The following BNC2 variants were observed in gnomAD, a reference collection of about 807,000 sequenced individuals.
The protein encoded by BNC2 is basonuclin zinc finger protein 2, also known as zinc finger protein basonuclin-2.
A neutral mutation model predicts 76.3 loss-of-function variants in BNC2; 20 were observed. The ratio of observed to expected loss-of-function variants is 0.26; its 90% CI spans 0.18 to 0.38. The LOEUF is 0.38. Ranked by LOEUF, BNC2 falls within the 10% of genes least tolerant of loss-of-function variation. The pLI, the probability that BNC2 is intolerant of heterozygous loss-of-function variation, is 1.00. For missense variants in BNC2, 1,382 were observed against 1,399.8 expected (o/e 0.99, Z 0.20); for synonymous variants, 582 against 514.8 (o/e 1.13, Z -1.77).
intron 2 of BNC2, among the ~76,000 whole-genome samples, chr9:16,737,785 G>T (rs1334085479): frequency 6.6e-6 from 1 of 152,102 alleles, no homozygotes; most frequent in Non-Finnish European, 1.5e-5. Flanking sequence ...GACTTAACAG[G>T]TCCCTTAGAA....
At chr9:16,570,144 A>G (rs10962491) in intron 4 of BNC2, among the ~76,000 whole-genome samples, 20,042 of 152,220 alleles carry the variant, frequency 0.13, 2,254 homozygotes, top group East Asian at 0.31. Context: ...TCATTAAGCA[A>G]AAAGTGCAAA....
chr9:16,652,556 A>G (rs1167367987), intron 3 of BNC2, among the ~76,000 whole-genome samples: 1 of 152,234 alleles, frequency 6.6e-6, no homozygotes, highest in Non-Finnish European at 1.5e-5. Flanking sequence ...GTAATATAGT[A>G]TTACACACAT....
intron 1 of BNC2, among the ~76,000 whole-genome samples, chr9:16,791,088 GTC>G (rs1285847677): frequency 6.6e-6 from 1 of 151,760 alleles, no homozygotes; most frequent in South Asian, 2.1e-4. Flanking sequence ...TTGAGATGGA[GTC>G]TCACACTGTC....
chr9:16,799,340 A>C (rs866119692), intron 1 of BNC2, among the ~76,000 whole-genome samples: 2 of 151,842 alleles, frequency 1.3e-5, no homozygotes, highest in Middle Eastern at 6.8e-3. Context: ...TTTGATATGG[A>C]GTCTCACTCT....
intron 1 of BNC2, among the ~76,000 whole-genome samples, chr9:16,781,710 A>G (rs1241168854): frequency 2.0e-5 from 3 of 152,230 alleles, no homozygotes; most frequent in African/African-American, 4.8e-5. Flanking sequence ...TACTTTTCCA[A>G]TACAAGTATA....
At chr9:16,663,110 G>A (rs1312401276) in intron 3 of BNC2, among the ~76,000 whole-genome samples, 1 of 121,932 alleles carries the variant, frequency 8.2e-6, no homozygotes, top group East Asian at 2.0e-4. Flanking sequence ...GTGATCCATA[G>A]GCACTCCACT....
chr9:16,550,549 C>T (rs1818626938), intron 5 of BNC2, among the ~76,000 whole-genome samples: 1 of 152,190 alleles, frequency 6.6e-6, no homozygotes, highest in Admixed American at 6.6e-5. Flanking sequence ...CATTATCAGG[C>T]TTTATGTTTA....
At chr9:16,682,017 T>A (rs1380701631) in intron 3 of BNC2, among the ~76,000 whole-genome samples, 1 of 151,896 alleles carries the variant, frequency 6.6e-6, no homozygotes, top group African/African-American at 2.4e-5. Flanking sequence ...CACAAGGTCA[T>A]CTATTTGGAA....
chr9:16,479,384 G>A (rs759276700), intron 5 of BNC2, among the ~76,000 whole-genome samples: 2 of 152,280 alleles, frequency 1.3e-5, no homozygotes, highest in Non-Finnish European at 2.9e-5. Flanking sequence ...CACTTCAACT[G>A]CTATCTCTCA....
chr9:16,784,094 G>C (rs1826219268), intron 1 of BNC2, among the ~76,000 whole-genome samples: 1 of 152,172 alleles, frequency 6.6e-6, no homozygotes, highest in African/African-American at 2.4e-5. Context: ...ATGGAGGAAA[G>C]CATCACATGA....
chr9:16,597,670 T>C (rs1490786031), intron 3 of BNC2, among the ~76,000 whole-genome samples: 1 of 152,122 alleles, frequency 6.6e-6, no homozygotes, highest in Non-Finnish European at 1.5e-5. Flanking sequence ...CAAATAGACA[T>C]ATATTTAGAT....
chr9:16,605,687 C>A (rs748691528), intron 3 of BNC2, among the ~76,000 whole-genome samples: 2 of 150,216 alleles, frequency 1.3e-5, no homozygotes, highest in East Asian at 1.9e-4. Flanking sequence ...TATTACAGCA[C>A]AACAGAGACC....
chr9:16,756,641 C>CT (rs1825390783), intron 1 of BNC2, among the ~76,000 whole-genome samples: 1 of 152,264 alleles, frequency 6.6e-6, no homozygotes, highest in Admixed American at 6.5e-5. Flanking sequence ...TGCTTTAAAG[C>CT]TTTTTTCTTT....
At chr9:16,778,792 C>T (rs1311644699) in intron 1 of BNC2, among the ~76,000 whole-genome samples, 1 of 152,082 alleles carries the variant, frequency 6.6e-6, no homozygotes, top group Non-Finnish European at 1.5e-5. Context: ...GAAAGGACTC[C>T]ATTATCCTCT....
At chr9:16,604,173 A>G (rs1054539180) in intron 3 of BNC2, among the ~76,000 whole-genome samples, 2 of 152,194 alleles carry the variant, frequency 1.3e-5, no homozygotes, top group African/African-American at 4.8e-5. Flanking sequence ...CAGAAGTACA[A>G]TACAAACCAA....
At chr9:16,847,875 G>A (rs1003013239) in intron 1 of BNC2, among the ~76,000 whole-genome samples, 2 of 152,220 alleles carry the variant, frequency 1.3e-5, no homozygotes, top group Admixed American at 1.3e-4. Context: ...AAGCTCATAT[G>A]AAGCATGAAT....
rs183062931 is a variant in BNC2, at chr9:16,577,444, G to C, written c.433+5539C>G. ...GTACATTAAACCATAAAGCTGGTTG[G>C]TATATGATACTAAATTAACTTTATA... On this transcript the variant is annotated intron_variant, in intron 4 of 6. Coordinates refer to ENST00000380672, the MANE Select transcript of BNC2 (RefSeq NM_017637.6). Among the ~76,000 whole-genome samples, 299 of 152,212 alleles carry C rather than the reference G, an allele frequency of 2.0e-3. 2 individuals are homozygous for C. Among genetic ancestry groups the C allele is most frequent in the Admixed American group, 4.3e-3 (66 of 15,284 alleles).
intron 5 of BNC2, among the ~76,000 whole-genome samples, chr9:16,457,280 T>C (rs995944227): frequency 1.3e-5 from 2 of 152,176 alleles, no homozygotes; most frequent in Non-Finnish European, 2.9e-5. Context: ...TCTCCTCATA[T>C]GGAATCTTAT....
At chr9:16,505,556 A>G (rs7042674) in intron 5 of BNC2, among the ~76,000 whole-genome samples, 151,237 of 152,262 alleles carry the variant, frequency 0.99, 75,119 homozygotes, top group East Asian at 1. Flanking sequence ...GGAGAGAGCC[A>G]AATATGCAGC....
Sources: gnomAD v4.1 joint callset for allele counts (sites outside exome capture counted in the v4.1 genomes callset) on GRCh38, gnomAD v4.1.1 for gene constraint, MANE v1.5 for transcripts, NCBI Gene and HGNC (gene_info 2026-07-23, HGNC 2026-07-21) for gene names.